AGPAT4: variants seen among roughly 807,000 people sequenced by gnomAD.
The protein encoded by AGPAT4 is 1-acylglycerol-3-phosphate O-acyltransferase 4, also known as 1-acyl-sn-glycerol-3-phosphate acyltransferase delta.
AGPAT4 carries 15 observed loss-of-function variants against 48.0 expected under a neutral mutation model. That is an observed-to-expected ratio of 0.31 (90% CI 0.21 to 0.48). The LOEUF (loss-of-function observed/expected upper bound fraction) is 0.48, where lower values mean the gene tolerates loss of function less well. AGPAT4 is among the 20% of genes least tolerant of loss of function. The pLI, the probability that AGPAT4 is intolerant of heterozygous loss-of-function variation, is 0.99. For missense variants in AGPAT4, 314 were observed against 482.5 expected, an observed-to-expected ratio of 0.65 and a Z score of 3.27; for synonymous variants, 178 against 198.7, an observed-to-expected ratio of 0.90 and a Z score of 0.88.
chr6:161,190,292 G>A (rs911658485), intron 2 of AGPAT4, among the ~76,000 whole-genome samples: 2 of 152,182 alleles, frequency 1.3e-5, no homozygotes, highest in African/African-American at 2.4e-5. Flanking sequence ...ATGGAAAAGC[G>A]AGTGAGCAAG....
chr6:161,263,254 A>G (rs1234942485), intron 1 of AGPAT4, among the ~76,000 whole-genome samples: 1 of 152,146 alleles, frequency 6.6e-6, no homozygotes, highest in Non-Finnish European at 1.5e-5. Context: ...TTAAAAAGAC[A>G]AACAACAGGC....
At chr6:161,248,459 A>G (rs1026321979) in intron 1 of AGPAT4, among the ~76,000 whole-genome samples, 1 of 151,630 alleles carries the variant, frequency 6.6e-6, no homozygotes, top group African/African-American at 2.4e-5. Flanking sequence ...CTGTAGTCCC[A>G]GCTCCTCGTG....
In AGPAT4 at chr6:161,272,905, G is replaced by A. The variant is rs1783470561; in HGVS notation, c.-90+1033C>T. Among the ~76,000 whole-genome samples, 1 of 152,152 alleles carries A rather than the reference G, an allele frequency of 6.6e-6. No homozygotes were observed. Among genetic ancestry groups the A allele is most frequent in the Admixed American group, 6.5e-5 (1 of 15,276 alleles). ...AGAACAATGCACGAAAACGAAAAAC[G>A]GAGAATCCTGCCCGGCAGTTAATTT... On this transcript the variant is annotated intron_variant, in intron 1 of 8. Coordinates refer to ENST00000320285, the MANE Select transcript of AGPAT4 (RefSeq NM_020133.3). This position sits in a 1 kb window ranked among gnomAD's most constrained non-coding sequence, Gnocchi z 4.2.
intron 2 of AGPAT4, among the ~76,000 whole-genome samples, chr6:161,188,468 A>G (rs1780830834): frequency 1.3e-5 from 2 of 152,170 alleles, no homozygotes; most frequent in South Asian, 4.1e-4. Flanking sequence ...CAACAACGTA[A>G]TATTCTGTCC....
intron 2 of AGPAT4, among the ~76,000 whole-genome samples, chr6:161,194,520 G>A (rs1328369271): frequency 6.6e-6 from 1 of 151,608 alleles, no homozygotes; most frequent in Non-Finnish European, 1.5e-5. Flanking sequence ...AAGTATATGT[G>A]TGTGTCTGTG....
Position 161,243,168 on chromosome 6 carries a change from C to T in AGPAT4, c.-89-10866G>A, listed in dbSNP as rs115639825. Among the ~76,000 whole-genome samples, 1,620 of 152,184 alleles carry T rather than the reference C, an allele frequency of 0.011. 23 individuals are homozygous for T. Among genetic ancestry groups the T allele is most frequent in the African/African-American group, 0.036 (1,498 of 41,496 alleles). On this transcript the variant is annotated intron_variant, in intron 1 of 8. Coordinates refer to ENST00000320285, the MANE Select transcript of AGPAT4 (RefSeq NM_020133.3). This position sits in a 1 kb window ranked among gnomAD's most constrained non-coding sequence, Gnocchi z 4.8. Reference sequence around the variant, plus strand: ...GATTTCATCATCGTCATTGCTGCTACGTGGCTGTGGCTGTCAGCTCAATAC... The same window carrying T: ...GATTTCATCATCGTCATTGCTGCTATGTGGCTGTGGCTGTCAGCTCAATAC...
At position 161,232,281 on chromosome 6, in the gene AGPAT4, G is replaced by T; in HGVS notation, c.-68C>A. ...GTCAAAGATTTCCAGAAGGAAGAAA[G>T]ATCCAGGACTCAGGAAGGCGTCTAA... On this transcript the variant is annotated 5_prime_UTR_variant, in exon 2 of 9. Transcript: ENST00000320285. This position sits in a 1 kb window ranked among gnomAD's most constrained non-coding sequence, Gnocchi z 6.8. The T allele has an allele frequency of 6.7e-7, 1 of 1,485,936 alleles. No individual in the cohort carries two copies. Among genetic ancestry groups the T allele is most frequent in the Non-Finnish European group, 9.1e-7 (1 of 1,094,462 alleles). 92.0% of individuals were successfully genotyped at this position (1,485,936 alleles called of 1,614,324 possible).
rs191979755 is a variant in AGPAT4 at position 161,184,014 on chromosome 6, C to T, written c.179-17597G>A. Among the ~76,000 whole-genome samples, 1,421 of 152,134 alleles carry T rather than the reference C, an allele frequency of 9.3e-3. 22 individuals are homozygous for T. The highest frequency in any genetic ancestry group is 0.032 in the African/African-American group (1,347 of 41,512). ...AGACAGGAAGTCACTGGAAGTTTAG[C>T]GTGATGTATGACTTGATCCACCTGA... is the stretch of plus-strand genomic sequence containing the variant. On this transcript the variant is annotated intron_variant, in intron 2 of 8. Transcript: ENST00000320285. This position sits in a 1 kb window ranked among gnomAD's most constrained non-coding sequence, Gnocchi z 4.8.
intron 1 of AGPAT4, among the ~76,000 whole-genome samples, chr6:161,271,052 G>A (rs773326783): frequency 2.9e-4 from 44 of 152,182 alleles, no homozygotes; most frequent in Non-Finnish European, 5.9e-4. Context: ...GATTAGGAAG[G>A]ATTCTGCCTT....
In AGPAT4 at chr6:161,212,415, A is replaced by G. The variant is rs1199459090; in HGVS notation, c.178+19621T>C. Among the ~76,000 whole-genome samples the G allele has an allele frequency of 6.6e-6, 1 of 152,180 alleles. No individual in the cohort carries two copies. Among genetic ancestry groups the G allele is most frequent in the Non-Finnish European group, 1.5e-5 (1 of 68,020 alleles). The stretch of plus-strand genomic sequence containing the variant: ...ACTTGCCAAAATCAAATTATAAATT[A>G]TGTCTTTTTCTTACCTAATTAATCC... On this transcript the variant is annotated intron_variant, in intron 2 of 8. Transcript: ENST00000320285. The surrounding 1 kb of genome is among the most constrained non-coding windows in gnomAD (Gnocchi z 6.1).
intron 2 of AGPAT4, among the ~76,000 whole-genome samples, chr6:161,207,355 A>T (rs1781403346): frequency 6.6e-6 from 1 of 152,198 alleles, no homozygotes; most frequent in African/African-American, 2.4e-5. Flanking sequence ...ATCCGTGAGA[A>T]AACAAAACTC....
In AGPAT4 at chr6:161,143,593, C is replaced by T. The variant is rs1047179515; in HGVS notation, c.843+2931G>A. Among the ~76,000 whole-genome samples the T allele has an allele frequency of 6.6e-6, 1 of 152,164 alleles. No individual in the cohort carries two copies. The highest frequency in any genetic ancestry group is 1.5e-5 in the Non-Finnish European group (1 of 68,036). On this transcript the variant is annotated intron_variant, in intron 7 of 8. Transcript: ENST00000320285. The surrounding 1 kb of genome is among the most constrained non-coding windows in gnomAD (Gnocchi z 4.7). ...AGGTTCAGCCTCAGAGCGAGTTTAC[C>T]TGGGAACTGCTTTTGTCCACAGAAG...
At chr6:161,181,878 G>T (rs1401073752) in intron 2 of AGPAT4, among the ~76,000 whole-genome samples, 2 of 152,114 alleles carry the variant, frequency 1.3e-5, no homozygotes, top group African/African-American at 4.8e-5. Flanking sequence ...GACAAAAATT[G>T]GTTCTTGGAG....
chr6:161,230,186 C>T (rs1180481516), intron 2 of AGPAT4, among the ~76,000 whole-genome samples: 2 of 151,964 alleles, frequency 1.3e-5, no homozygotes, highest in East Asian at 3.9e-4. Flanking sequence ...AAGTCTTTAC[C>T]ATCAATCAAA....
In AGPAT4 at chr6:161,143,341, C is replaced by T. The variant is rs1779316214; in HGVS notation, c.843+3183G>A. 6.6e-6 allele frequency among the ~76,000 whole-genome samples: 1 copy of T among 152,216 alleles called. No individual in the cohort carries two copies. The highest frequency in any genetic ancestry group is 1.5e-5 in the Non-Finnish European group (1 of 68,030). On this transcript the variant is annotated intron_variant, in intron 7 of 8. Coordinates refer to ENST00000320285, the MANE Select transcript of AGPAT4 (RefSeq NM_020133.3). This position sits in a 1 kb window ranked among gnomAD's most constrained non-coding sequence, Gnocchi z 4.7. ...CCTCCAGCCTCAGCCTCCCAAAGTG[C>T]TTACTCCCAAAGGGATTACTGGCAT... is the stretch of plus-strand genomic sequence containing the variant.
Position 161,184,230 on chromosome 6 carries a change from G to A in AGPAT4, c.179-17813C>T, listed in dbSNP as rs1780698452. On this transcript the variant is annotated intron_variant, in intron 2 of 8. Transcript: ENST00000320285. The surrounding 1 kb of genome is among the most constrained non-coding windows in gnomAD (Gnocchi z 4.8). ...GCAGTCAGCCCAACAGGGGTGGTGG[G>A]CTCGGTGGGCATAGTGGAAATGGTG... is the stretch of plus-strand genomic sequence containing the variant. Among the ~76,000 whole-genome samples, 1 of 149,668 alleles carries A rather than the reference G, an allele frequency of 6.7e-6. No individual in the cohort carries two copies. The highest frequency in any genetic ancestry group is 1.5e-5 in the Non-Finnish European group (1 of 67,138).
At chr6:161,186,802 AC>A (rs1780782907) in intron 2 of AGPAT4, among the ~76,000 whole-genome samples, 1 of 152,134 alleles carries the variant, frequency 6.6e-6, no homozygotes, top group African/African-American at 2.4e-5. Context: ...AATTCTCTGT[AC>A]CTACCCCAAG....
chr6:161,252,816 A>G (rs1782840430), intron 1 of AGPAT4, among the ~76,000 whole-genome samples: 1 of 151,974 alleles, frequency 6.6e-6, no homozygotes, highest in African/African-American at 2.4e-5. Context: ...TCTCAAAAAT[A>G]AAGAAAATAC....
In AGPAT4 at chr6:161,221,829, A is replaced by G. The variant is rs1223088909; in HGVS notation, c.178+10207T>C. On this transcript the variant is annotated intron_variant, in intron 2 of 8. Coordinates refer to ENST00000320285, the MANE Select transcript of AGPAT4 (RefSeq NM_020133.3). The surrounding 1 kb of genome is among the most constrained non-coding windows in gnomAD (Gnocchi z 4.5). ...ATCTTCACATCGTCTTCCTCTCTGC[A>G]TGTCTTTCTCTGTGTCCACATTTTA... is the stretch of plus-strand genomic sequence containing the variant. Among the ~76,000 whole-genome samples, 1 of 152,136 alleles carries G rather than the reference A, an allele frequency of 6.6e-6. No individual in the cohort carries two copies. Among genetic ancestry groups the G allele is most frequent in the Non-Finnish European group, 1.5e-5 (1 of 68,018 alleles).
Sources: allele counts gnomAD v4.1 joint callset (sites outside exome capture counted in the v4.1 genomes callset), GRCh38; gene constraint gnomAD v4.1.1; non-coding constraint Gnocchi (gnomAD v3.1); transcripts MANE v1.5; gene names NCBI Gene and HGNC (gene_info 2026-07-23, HGNC 2026-07-21).